The following ZFHX3 variants were observed in gnomAD, a reference collection of about 807,000 sequenced individuals.
ZFHX3 encodes zinc finger homeobox 3.
A neutral mutation model predicts 279.1 loss-of-function variants in ZFHX3; 42 were observed. The observed-to-expected ratio is 0.15, with a 90% confidence interval of 0.12 to 0.19. The LOEUF is 0.19. Ranked by LOEUF, ZFHX3 falls within the 10% of genes least tolerant of loss-of-function variation. The probability of loss-of-function intolerance (pLI) is 1.00; values close to 1 mark genes in which losing one functional copy is unlikely to be tolerated. For synonymous variants in ZFHX3, 2,293 were observed against 1,957.8 expected (o/e 1.17, Z -4.52); for missense variants, 4,981 against 4,754.0 (o/e 1.05, Z -1.40).
intron 5 of ZFHX3, among the ~76,000 whole-genome samples, chr16:73,188,510 T>C (rs141055920): frequency 6.6e-6 from 1 of 152,292 alleles, no homozygotes; most frequent in Non-Finnish European, 1.5e-5. Context: ...CCTGAGATGG[T>C]GAATTTGACT....
intron 1 of ZFHX3, among the ~76,000 whole-genome samples, chr16:73,688,995 T>G (rs2053120030): frequency 6.6e-6 from 1 of 152,178 alleles, no homozygotes. Context: ...TTTTGTGAAT[T>G]GCCTGGTCTT....
chr16:73,783,935 C>T (rs12447336), intron 1 of ZFHX3, among the ~76,000 whole-genome samples: 35,048 of 152,038 alleles, frequency 0.23, 4,726 homozygotes, highest in Non-Finnish European at 0.3. Flanking sequence ...CAGGTTGATG[C>T]TGTTCCTAAG....
intron 1 of ZFHX3, among the ~76,000 whole-genome samples, chr16:73,794,818 G>A (rs943625946): frequency 6.6e-6 from 1 of 152,186 alleles, no homozygotes; most frequent in African/African-American, 2.4e-5. Flanking sequence ...AAATCTCTGT[G>A]ATCATACCTC....
At chr16:73,375,163 T>G (rs1020970829) in intron 3 of ZFHX3, among the ~76,000 whole-genome samples, 12 of 152,182 alleles carry the variant, frequency 7.9e-5, no homozygotes, top group African/African-American at 2.9e-4. Context: ...AGGTTTTGGT[T>G]TTCCTTCATT....
In ZFHX3 at chr16:73,734,775, C is replaced by T. The variant is rs115259635; in HGVS notation, c.-1607-54535G>A. Among the ~76,000 whole-genome samples, 1,281 of 152,144 alleles carry T rather than the reference C, an allele frequency of 8.4e-3. 17 individuals are homozygous for T. Among genetic ancestry groups the T allele is most frequent in the African/African-American group, 0.029 (1,193 of 41,518 alleles). On this transcript the variant is annotated intron_variant, in intron 1 of 17. Coordinates refer to the ZFHX3 transcript ENST00000641206. ...TTGAAAAAATGCTTTCTAAAGAATA[C>T]TAGTGATGCTTTATGTGAAACATGC...
chr16:73,836,106 G>T (rs1199210563), intron 1 of ZFHX3, among the ~76,000 whole-genome samples: 3 of 152,190 alleles, frequency 2.0e-5, no homozygotes, highest in African/African-American at 7.2e-5. Context: ...AACAAGAGGG[G>T]AGAGATTTAA....
At chr16:72,859,626 G>A (rs1193647876) in intron 4 of ZFHX3, among the ~76,000 whole-genome samples, 1 of 152,184 alleles carries the variant, frequency 6.6e-6, no homozygotes, top group Non-Finnish European at 1.5e-5. Flanking sequence ...AATTAGAACA[G>A]AAGAAACCAC....
chr16:73,851,794 G>T (rs145066683), intron 1 of ZFHX3, among the ~76,000 whole-genome samples: 2 of 152,034 alleles, frequency 1.3e-5, no homozygotes, highest in African/African-American at 4.8e-5. Flanking sequence ...AAATATTGAG[G>T]CATTAGGATC....
chr16:73,591,148 C>T (rs986520763), intron 2 of ZFHX3, among the ~76,000 whole-genome samples: 1 of 151,600 alleles, frequency 6.6e-6, no homozygotes, highest in East Asian at 1.9e-4. Context: ...GTTAGGAGTT[C>T]GAGATCAGCC....
At chr16:73,287,307 G>C (rs1192016540) in intron 4 of ZFHX3, among the ~76,000 whole-genome samples, 4 of 142,156 alleles carry the variant, frequency 2.8e-5, no homozygotes, top group Non-Finnish European at 6.1e-5. Flanking sequence ...GTGTGGGGTG[G>C]TGTGTGGGTG....
intron 3 of ZFHX3, among the ~76,000 whole-genome samples, chr16:72,894,024 CTG>C (rs973179162): frequency 6.6e-6 from 1 of 151,954 alleles, no homozygotes; most frequent in African/African-American, 2.4e-5. Flanking sequence ...TGGTGGGTGC[CTG>C]TAGTCCCAGC....
chr16:73,142,332 A>G (rs1045576271), intron 6 of ZFHX3, among the ~76,000 whole-genome samples: 2 of 152,168 alleles, frequency 1.3e-5, no homozygotes, highest in Admixed American at 6.5e-5. Context: ...GTTTTAATAT[A>G]TATCTAGAGA....
intron 1 of ZFHX3, among the ~76,000 whole-genome samples, chr16:73,698,562 C>G (rs749638763): frequency 1.5e-4 from 23 of 152,108 alleles, no homozygotes; most frequent in Non-Finnish European, 2.5e-4. Flanking sequence ...TGTCACACAC[C>G]TCATCATATG....
intron 3 of ZFHX3, among the ~76,000 whole-genome samples, chr16:72,949,911 C>CTTTCTTTTT (rs1960896220): frequency 8.6e-6 from 1 of 116,058 alleles, no homozygotes; most frequent in South Asian, 2.8e-4. Flanking sequence ...ATTTTCTTTT[C>CTTTCTTTTT]TTTTTTTTTT....
At chr16:73,367,194 C>T (rs2016544888) in intron 3 of ZFHX3, among the ~76,000 whole-genome samples, 1 of 152,122 alleles carries the variant, frequency 6.6e-6, no homozygotes, top group South Asian at 2.1e-4. Flanking sequence ...AACATTAAAT[C>T]GCCACCCAAT....
Position 72,958,527 on chromosome 16 carries a change from A to G in ZFHX3, c.1619T>C (p.Leu540Pro). 1.2e-6 allele frequency: 2 copies of G among 1,614,090 alleles called. No individual in the cohort carries two copies. The highest frequency in any genetic ancestry group is 1.6e-4 in the Middle Eastern group (1 of 6,062). The change falls in exon 2 of 10, where the codon CTC becomes CCC. Residue 540 changes from leucine to proline, a missense_variant. Around this residue, in one of 7 missense-constraint regions of ZFHX3, gnomAD observed 1,068 missense variants for 935.2 expected, o/e 1.14. Transcript: ENST00000268489. ...ISNSPLMPNVLQTLSRGTAST... is the reference protein window; with the variant it reads ...ISNSPLMPNVPQTLSRGTAST... ...AGCTGTGCCCCTCGACAGGGTCTGG[A>G]GCACGTTAGGCATTAAGGGGGAGTT... is the stretch of plus-strand genomic sequence containing the variant.
chr16:72,959,083 C>T lies in ZFHX3; in HGVS notation c.1063G>A (p.Ala355Thr). The T allele has an allele frequency of 6.2e-7, 1 of 1,614,220 alleles. No individual in the cohort carries two copies. The highest frequency in any genetic ancestry group is 8.5e-7 in the Non-Finnish European group (1 of 1,180,040). Residue 355 changes from alanine to threonine, a missense_variant, in exon 2 of 10, where the codon GCT becomes ACT. Physicochemically the swap from Ala to Thr is moderately conservative, Grantham distance 58. Around this residue, in one of 7 missense-constraint regions of ZFHX3, gnomAD observed 1,068 missense variants for 935.2 expected, o/e 1.14. Transcript: ENST00000268489. ...KNFQHPLVST[A>T]NLIGPGHSFY... ...CTGTGTCCGGGGCCTATGAGGTTAG[C>T]TGTGGAAACTAAAGGGTGTTGAAAG...
chr16:73,682,924 G>GAAAGAAAGAAAA (rs766109523), intron 1 of ZFHX3, among the ~76,000 whole-genome samples: 1 of 43,474 alleles, frequency 2.3e-5, no homozygotes, highest in African/African-American at 7.6e-5. Flanking sequence ...AAGAGAGAAA[G>GAAAGAAAGAAAA]AGAAAGAAAG....
At chr16:73,098,090 T>C (rs1022093262) in intron 7 of ZFHX3, among the ~76,000 whole-genome samples, 23 of 135,734 alleles carry the variant, frequency 1.7e-4, no homozygotes, top group African/African-American at 5.3e-4. Flanking sequence ...TTTTTTGAGA[T>C]GGAGTCTCGC....
Sources: gnomAD v4.1 joint callset for allele counts (sites outside exome capture counted in the v4.1 genomes callset) on GRCh38, gnomAD v4.1.1 for gene constraint, gnomAD v4.1.1 regional missense constraint, MANE v1.5 for transcripts, NCBI Gene and HGNC (gene_info 2026-07-23, HGNC 2026-07-21) for gene names.